The following DYNC2H1 variants were observed in gnomAD, a reference collection of about 807,000 sequenced individuals.
DYNC2H1 encodes dynein cytoplasmic 2 heavy chain 1, also known as cytoplasmic dynein 2 heavy chain 1.
Under a neutral mutation model 570.0 loss-of-function variants are expected in DYNC2H1, and 410 were observed. The observed-to-expected ratio is 0.72, with a 90% CI of 0.66 to 0.78. The LOEUF is 0.78. DYNC2H1 is among the 30% of genes least tolerant of loss of function. The probability of loss-of-function intolerance (pLI) is 0.00; values close to 1 mark genes in which losing one functional copy is unlikely to be tolerated. For synonymous variants in DYNC2H1, 1,688 were observed against 1,677.6 expected (o/e 1.01, Z -0.15); for missense variants, 4,865 against 5,046.4 (o/e 0.96, Z 1.09).
intron 13 of DYNC2H1, among the ~76,000 whole-genome samples, chr11:103,130,710 A>G (rs1859226314): frequency 1.3e-5 from 2 of 152,186 alleles, no homozygotes; most frequent in Non-Finnish European, 2.9e-5. Context: ...TTTTCCCTCT[A>G]AAGTATAGAT....
intron 11 of DYNC2H1, among the ~76,000 whole-genome samples, chr11:103,123,649 C>A (rs986031216): frequency 3.3e-5 from 5 of 152,032 alleles, no homozygotes; most frequent in African/African-American, 1.2e-4. Flanking sequence ...ACAAAAAAAA[C>A]CAGTGCTTTA....
chr11:103,141,190 C>T (rs1056973456), intron 17 of DYNC2H1, among the ~76,000 whole-genome samples: 3 of 152,264 alleles, frequency 2.0e-5, no homozygotes, highest in African/African-American at 7.2e-5. Flanking sequence ...TCGTCTGAAG[C>T]CTTCTTCTCT....
intron 83 of DYNC2H1, among the ~76,000 whole-genome samples, chr11:103,388,040 A>G (rs1191695938): frequency 1.3e-5 from 2 of 152,198 alleles, no homozygotes; most frequent in African/African-American, 4.8e-5. Flanking sequence ...TTCTGTGAAG[A>G]AAGTCATTGG....
intron 55 of DYNC2H1, 59 bp downstream of exon 55, chr11:103,215,917 G>A: frequency 6.5e-7 from 1 of 1,549,356 alleles, no homozygotes; most frequent in Non-Finnish European, 8.7e-7. Context: ...ATGCCTGATA[G>A]TCAGTGAAAA....
chr11:103,479,023 T>G, intron 88 of DYNC2H1, 72 bp from the exon 89 acceptor site: 1 of 1,512,086 alleles, frequency 6.6e-7, no homozygotes, highest in South Asian at 1.2e-5. Context: ...TATGTTTGTT[T>G]CCTTGGTTAT....
At position 103,170,946 on chromosome 11, in the gene DYNC2H1, G is replaced by A. The variant is rs370669724; in HGVS notation, c.5212G>A (p.Gly1738Ser). The A allele has an allele frequency of 1.8e-5, 29 of 1,606,462 alleles. No homozygotes were observed. Among genetic ancestry groups the A allele is most frequent in the Non-Finnish European group, 1.4e-5 (17 of 1,175,212 alleles). Reference sequence around the variant, plus strand: ...TGGTTTGGTGAAGTGTGGGGCCTGGGGTTGTTTTGATGAATTTAATAGGCT... The same window carrying A: ...TGGTTTGGTGAAGTGTGGGGCCTGGAGTTGTTTTGATGAATTTAATAGGCT... ...FVGLVKCGAWGCFDEFNRLEE... is the reference protein window; with the variant it reads ...FVGLVKCGAWSCFDEFNRLEE... The change falls in exon 34 of 89, where the codon GGT becomes AGT. Residue 1738 changes from glycine (G) to serine (S), a missense_variant. By Grantham distance (56) the Gly-to-Ser change is moderately conservative (BLOSUM62 0). Transcript: ENST00000375735. The surrounding 1 kb of genome is among the most constrained non-coding windows in gnomAD (Gnocchi z 4.8).
rs1312279631 is a variant in DYNC2H1, at chr11:103,185,754, C to G, written c.6634-488C>G. 6.6e-6 allele frequency among the ~76,000 whole-genome samples: 1 copy of G among 151,904 alleles called. No individual in the cohort carries two copies. The highest frequency in any genetic ancestry group is 1.5e-5 in the Non-Finnish European group (1 of 67,912). Reference sequence around the variant, plus strand: ...TATGCTGCTTTTAAGCACATACTCTCTTGTCAAAGTTCCGAATAAATGTAT... The same window carrying G: ...TATGCTGCTTTTAAGCACATACTCTGTTGTCAAAGTTCCGAATAAATGTAT... On this transcript the variant is annotated intron_variant, in intron 41 of 88. Coordinates refer to ENST00000375735, the MANE Select transcript of DYNC2H1 (RefSeq NM_001377.3). This position sits in a 1 kb window ranked among gnomAD's most constrained non-coding sequence, Gnocchi z 4.5.
chr11:103,158,432 G>A (rs972689869), intron 26 of DYNC2H1, among the ~76,000 whole-genome samples: 3 of 152,160 alleles, frequency 2.0e-5, no homozygotes, highest in African/African-American at 4.8e-5. Flanking sequence ...CTGGGAGACA[G>A]AGCGAGACTC....
rs1222878404 is a variant in DYNC2H1 at position 103,151,203 on chromosome 11, G to A, written c.2947-933G>A. Among the ~76,000 whole-genome samples the A allele has an allele frequency of 6.6e-6, 1 of 152,068 alleles. No homozygotes were observed. The highest frequency in any genetic ancestry group is 1.5e-5 in the Non-Finnish European group (1 of 67,998). On this transcript the variant is annotated intron_variant, in intron 20 of 88. Coordinates refer to ENST00000375735, the MANE Select transcript of DYNC2H1 (RefSeq NM_001377.3). This position sits in a 1 kb window ranked among gnomAD's most constrained non-coding sequence, Gnocchi z 4.6. Reference sequence around the variant, plus strand: ...AGCCTCAAACTCCTGGGCTCAAGCAGTGTTCCTGCTTCAGCCTCCTCAGTA... The same window carrying A: ...AGCCTCAAACTCCTGGGCTCAAGCAATGTTCCTGCTTCAGCCTCCTCAGTA...
At chr11:103,257,085 T>C (rs1308071564) in intron 68 of DYNC2H1, among the ~76,000 whole-genome samples, 1 of 152,136 alleles carries the variant, frequency 6.6e-6, no homozygotes, top group African/African-American at 2.4e-5. Flanking sequence ...TGTAATAGTA[T>C]TAAGAGGTGG....
In DYNC2H1 at chr11:103,222,022, AATTTTAGT is replaced by A; in HGVS notation, c.9108-7_9108del. ...AGCCTCATTTAAGGAAATATGCTTTAATTTTAGTTTCCTTGCAAAAAGAGGTGTAAGAG... is the reference window on the plus strand; with the variant it reads ...AGCCTCATTTAAGGAAATATGCTTTATTCCTTGCAAAAAGAGGTGTAAGAG... On this transcript the variant is annotated splice_acceptor_variant and splice_polypyrimidine_tract_variant and coding_sequence_variant and intron_variant, in exon 58 of 89. Coordinates refer to ENST00000375735, the MANE Select transcript of DYNC2H1 (RefSeq NM_001377.3). LOFTEE classifies it high-confidence loss of function. The A allele has an allele frequency of 6.2e-7, 1 of 1,602,380 alleles. No homozygotes were observed. Among genetic ancestry groups the A allele is most frequent in the South Asian group, 1.1e-5 (1 of 87,562 alleles).
intron 12 of DYNC2H1, among the ~76,000 whole-genome samples, chr11:103,127,225 A>C (rs1859048762): frequency 6.6e-6 from 1 of 152,202 alleles, no homozygotes. Context: ...TAATATGGTA[A>C]GTATTTAGTC....
chr11:103,234,380 C>T (rs1368746548), intron 61 of DYNC2H1, among the ~76,000 whole-genome samples: 3 of 151,774 alleles, frequency 2.0e-5, no homozygotes, highest in Non-Finnish European at 2.9e-5. Flanking sequence ...CTTTCAGTTC[C>T]GTATGTTATG....
At chr11:103,263,746 A>T (rs1160711628) in intron 70 of DYNC2H1, among the ~76,000 whole-genome samples, 1 of 152,080 alleles carries the variant, frequency 6.6e-6, no homozygotes, top group Non-Finnish European at 1.5e-5. Flanking sequence ...CTAAATGCCA[A>T]CAGGAGAAAG....
intron 36 of DYNC2H1, 50 bp from the exon 37 acceptor site, chr11:103,176,185 T>C: frequency 7.2e-7 from 1 of 1,389,670 alleles, no homozygotes; most frequent in Non-Finnish European, 9.5e-7. Flanking sequence ...AAAAACTTTT[T>C]TCATCATTAA....
At chr11:103,312,380 CAA>C (rs775259300) in intron 79 of DYNC2H1, among the ~76,000 whole-genome samples, 11,135 of 47,532 alleles carry the variant, frequency 0.23, 513 homozygotes, top group Admixed American at 0.33. Flanking sequence ...AACTCCATCT[CAA>C]AAAAAAAAAA....
At position 103,168,765 on chromosome 11, in the gene DYNC2H1, C is replaced by T. The variant is rs1352386683; in HGVS notation, c.4773C>T (p.Ile1591=). ...TTTATTTCTGCCTAGAATCGGGCAT[C>T]CTGGAGCTTAAACTTAAAGCCCTAA... ...SEDPGNTESG[I]LELKLKALIL... is the part of the protein sequence containing the mutation. The change falls in exon 32 of 89, where the codon ATC becomes ATT. Residue 1591 remains isoleucine, a synonymous_variant. Coordinates refer to ENST00000375735, the MANE Select transcript of DYNC2H1 (RefSeq NM_001377.3). The T allele has an allele frequency of 1.2e-6, 2 of 1,612,440 alleles. No homozygotes were observed. The highest frequency in any genetic ancestry group is 1.3e-5 in the African/African-American group (1 of 74,866).
intron 77 of DYNC2H1, 48 bp from the exon 78 acceptor site, chr11:103,307,673 C>G (rs1388556263): frequency 1.0e-6 from 1 of 1,003,724 alleles, no homozygotes; most frequent in Admixed American, 2.7e-5. Context: ...AAAAGAGAAA[C>G]TTTCATATAT....
At chr11:103,140,143 A>T (rs1412072687) in intron 17 of DYNC2H1, among the ~76,000 whole-genome samples, 1 of 152,136 alleles carries the variant, frequency 6.6e-6, no homozygotes, top group African/African-American at 2.4e-5. Context: ...AATACAGCAC[A>T]CTGATGGGTC....
Sources: gnomAD v4.1 joint callset for allele counts (sites outside exome capture counted in the v4.1 genomes callset) on GRCh38, gnomAD v4.1.1 for gene constraint, Gnocchi (gnomAD v3.1) non-coding constraint, MANE v1.5 for transcripts, NCBI Gene and HGNC (gene_info 2026-07-23, HGNC 2026-07-21) for gene names.